COL25A1: variants seen among roughly 807,000 people sequenced by gnomAD.
COL25A1 encodes collagen type XXV alpha 1 chain.
COL25A1 carries 103 observed loss-of-function variants against 128.4 expected under a neutral mutation model. The ratio of observed to expected loss-of-function variants is 0.80; its 90% CI spans 0.68 to 0.94. The LOEUF (loss-of-function observed/expected upper bound fraction) is 0.94. Ranked by LOEUF, COL25A1 falls within the 40% of genes least tolerant of loss-of-function variation. The probability of loss-of-function intolerance (pLI) is 0.00; values close to 1 mark genes in which losing one functional copy is unlikely to be tolerated. For missense variants in COL25A1, 745 were observed against 840.0 expected (o/e 0.89, Z 1.40); for synonymous variants, 279 against 277.2 (o/e 1.01, Z -0.06).
intron 3 of COL25A1, among the ~76,000 whole-genome samples, chr4:109,115,272 T>C (rs1767427657): frequency 6.6e-6 from 1 of 152,078 alleles, no homozygotes; most frequent in South Asian, 2.1e-4. Flanking sequence ...CCAGATATTA[T>C]TTTAGGTGAC....
intron 32 of COL25A1, among the ~76,000 whole-genome samples, chr4:108,827,764 T>A (rs1245474363): frequency 6.6e-6 from 1 of 152,124 alleles, no homozygotes; most frequent in African/African-American, 2.4e-5. Context: ...CAAGCAATCC[T>A]CCCACCTTGG....
At chr4:108,982,698 C>G (rs910308546) in intron 6 of COL25A1, among the ~76,000 whole-genome samples, 2 of 152,040 alleles carry the variant, frequency 1.3e-5, no homozygotes, top group African/African-American at 2.4e-5. Flanking sequence ...TTAAAAGAGA[C>G]CAAGCAGAGG....
At chr4:109,007,450 T>C (rs1252945196) in intron 6 of COL25A1, among the ~76,000 whole-genome samples, 1 of 152,092 alleles carries the variant, frequency 6.6e-6, no homozygotes, top group East Asian at 1.9e-4. Flanking sequence ...AGGCCAGACT[T>C]TTCCTTGGGG....
At chr4:109,258,632 T>C (rs147077711) in intron 3 of COL25A1, among the ~76,000 whole-genome samples, 7 of 152,210 alleles carry the variant, frequency 4.6e-5, no homozygotes, top group African/African-American at 1.4e-4. Flanking sequence ...GGCCAAATAC[T>C]GTATAACACC....
intron 35 of COL25A1, among the ~76,000 whole-genome samples, chr4:108,822,788 A>G (rs1356118878): frequency 6.6e-6 from 1 of 152,176 alleles, no homozygotes; most frequent in African/African-American, 2.4e-5. Context: ...TTTATCTCAA[A>G]ACGTATGTAT....
intron 6 of COL25A1, among the ~76,000 whole-genome samples, chr4:109,008,997 C>G (rs1756320593): frequency 6.6e-6 from 1 of 152,114 alleles, no homozygotes; most frequent in African/African-American, 2.4e-5. Context: ...GGCAGGTGGC[C>G]TGTAATCCCA....
intron 3 of COL25A1, among the ~76,000 whole-genome samples, chr4:109,265,402 G>C (rs1360653382): frequency 1.3e-5 from 2 of 152,026 alleles, no homozygotes; most frequent in Admixed American, 6.6e-5. Context: ...TTTCTCTTTA[G>C]TATCTCTTTT....
chr4:109,302,036 G>C lies in COL25A1; in HGVS notation c.-17C>G, dbSNP rs748636373. The C allele has an allele frequency of 4.5e-6, 7 of 1,566,338 alleles. No homozygotes were observed. In the African/African-American group the frequency reaches 8.1e-5, roughly 18 times the overall value. ...CAGCAGCATCGTGGCGGGGTCGGCCGTCTCGGCTTCGCTTCCCACCCTCTA... is the reference window on the plus strand; with the variant it reads ...CAGCAGCATCGTGGCGGGGTCGGCCCTCTCGGCTTCGCTTCCCACCCTCTA... On this transcript the variant is annotated 5_prime_UTR_variant, in exon 2 of 38. Coordinates refer to ENST00000399132, the MANE Select transcript of COL25A1 (RefSeq NM_198721.4).
Position 108,859,687 on chromosome 4 carries a change from T to C in COL25A1, c.1289A>G (p.Asp430Gly), listed in dbSNP as rs72897032. 1.7e-3 allele frequency: 2,744 copies of C among 1,613,814 alleles called. 48 individuals carry two copies. In the African/African-American group the frequency reaches 0.033, roughly 20 times the overall value. ...KGDQGATEIIDYNGNLHEALQ... is the reference protein window; with the variant it reads ...KGDQGATEIIGYNGNLHEALQ... The stretch of plus-strand genomic sequence containing the variant: ...GGCTTCGTGGAGGTTGCCGTTGTAG[T>C]CTATGATCTCAGTGGCTCCTTGATC... The change falls in exon 24 of 38, where the codon GAC becomes GGC. Residue 430 changes from aspartate (D) to glycine (G), a missense_variant. By Grantham distance (94) the Asp-to-Gly change is moderately conservative. Coordinates refer to ENST00000399132, the MANE Select transcript of COL25A1 (RefSeq NM_198721.4).
At chr4:109,242,163 C>T (rs1172477639) in intron 3 of COL25A1, among the ~76,000 whole-genome samples, 1 of 152,024 alleles carries the variant, frequency 6.6e-6, no homozygotes, top group Non-Finnish European at 1.5e-5. Flanking sequence ...TATCTTCTTG[C>T]CATCCAGCTT....
intron 6 of COL25A1, among the ~76,000 whole-genome samples, chr4:109,005,650 T>C (rs4547872): frequency 0.8 from 121,259 of 152,084 alleles, 49,443 homozygotes; most frequent in East Asian, 1. Flanking sequence ...AAGTCAGAAG[T>C]GTAGATTAGA....
intron 3 of COL25A1, among the ~76,000 whole-genome samples, chr4:109,119,112 T>C (rs540292720): frequency 2.6e-5 from 4 of 152,068 alleles, no homozygotes; most frequent in Admixed American, 2.0e-4. Flanking sequence ...AAATAACACA[T>C]AGGTCAAAGA....
intron 3 of COL25A1, among the ~76,000 whole-genome samples, chr4:109,245,506 G>A (rs1044271095): frequency 3.3e-5 from 5 of 152,130 alleles, no homozygotes; most frequent in African/African-American, 9.7e-5. Context: ...ACATTTCAGA[G>A]TACCAGACAA....
chr4:108,944,484 T>C (rs1291634252), intron 8 of COL25A1, among the ~76,000 whole-genome samples: 1 of 152,180 alleles, frequency 6.6e-6, no homozygotes, highest in Non-Finnish European at 1.5e-5. Flanking sequence ...AAGAAGTCTA[T>C]GAGGGATCAG....
In COL25A1 at chr4:109,302,057, C is replaced by T; in HGVS notation, c.-38G>A. The T allele has an allele frequency of 6.5e-7, 1 of 1,536,890 alleles. No homozygotes were observed. Among genetic ancestry groups the T allele is most frequent in the East Asian group, 2.3e-5 (1 of 44,296 alleles). On this transcript the variant is annotated 5_prime_UTR_variant, in exon 2 of 38. Transcript: ENST00000399132. ...GGCCGTCTCGGCTTCGCTTCCCACC[C>T]TCTACACCTCAAATAATCCTAAAAG...
At chr4:109,125,397 C>G (rs543544012) in intron 3 of COL25A1, among the ~76,000 whole-genome samples, 1 of 152,142 alleles carries the variant, frequency 6.6e-6, no homozygotes, top group East Asian at 1.9e-4. Flanking sequence ...GTGCTAAATA[C>G]AGCTGGCAGG....
chr4:109,068,451 T>C (rs940118293), intron 3 of COL25A1, among the ~76,000 whole-genome samples: 2 of 148,612 alleles, frequency 1.3e-5, no homozygotes, highest in African/African-American at 5.0e-5. Flanking sequence ...AGGAGGGAGG[T>C]AGGGAAAAGG....
intron 3 of COL25A1, among the ~76,000 whole-genome samples, chr4:109,288,176 C>T (rs932212374): frequency 5.3e-5 from 8 of 152,180 alleles, no homozygotes; most frequent in African/African-American, 1.2e-4. Context: ...CTTCCCCTTC[C>T]TCAGCCTTAC....
chr4:108,994,313 T>C (rs936794937), intron 6 of COL25A1, among the ~76,000 whole-genome samples: 4 of 152,240 alleles, frequency 2.6e-5, no homozygotes, highest in Non-Finnish European at 5.9e-5. Context: ...CTCCCGTGCC[T>C]GGTGCAGTGG....
Sources: allele counts gnomAD v4.1 joint callset (sites outside exome capture counted in the v4.1 genomes callset), GRCh38; gene constraint gnomAD v4.1.1; transcripts MANE v1.5; gene names NCBI Gene and HGNC (gene_info 2026-07-23, HGNC 2026-07-21).